APPL2: variants seen among roughly 807,000 people sequenced by gnomAD.
APPL2 encodes the protein adaptor protein, phosphotyrosine interacting with PH domain and leucine zipper 2.
APPL2 carries 84 observed loss-of-function variants against 92.7 expected under a neutral mutation model. That is an observed-to-expected ratio of 0.91 (90% CI 0.76 to 1.09). The LOEUF (loss-of-function observed/expected upper bound fraction) is 1.09. Among genes scored for constraint, APPL2 ranks in the 50% least tolerant of loss-of-function variants. The pLI is 0.00. For synonymous variants in APPL2, 291 were observed against 291.0 expected, an observed-to-expected ratio of 1.00 and a Z score of 0.00; for missense variants, 736 against 824.5, an observed-to-expected ratio of 0.89 and a Z score of 1.31.
intron 2 of APPL2, among the ~76,000 whole-genome samples, chr12:105,219,654 T>C (rs754386801): frequency 1.4e-4 from 21 of 152,230 alleles, no homozygotes; most frequent in Non-Finnish European, 2.8e-4. Flanking sequence ...CCTTCCTAAC[T>C]GTACAAGGAA....
intron 2 of APPL2, among the ~76,000 whole-genome samples, chr12:105,225,314 A>G (rs1320358403): frequency 5.3e-5 from 8 of 152,174 alleles, no homozygotes; most frequent in Non-Finnish European, 1.0e-4. Context: ...TGCCAGGAAC[A>G]TTATTACCCC....
chr12:105,176,844 GA>G lies in APPL2; in HGVS notation c.1812+31del, dbSNP rs1461552140. On this transcript the variant is annotated intron_variant, in intron 19 of 20. Transcript: ENST00000258530. ...TTTAAAATGGACTTGTTTGGACTGG[GA>G]TATTATGGGATCTTCACATGAAAAA... 5 of 1,609,126 alleles carry G rather than the reference GA, an allele frequency of 3.1e-6. No homozygotes were observed. In the African/African-American group the frequency reaches 5.4e-5, roughly 17 times the overall value.
chr12:105,207,426 C>T (rs777817626), intron 7 of APPL2, among the ~76,000 whole-genome samples: 6 of 152,202 alleles, frequency 3.9e-5, no homozygotes, highest in Non-Finnish European at 8.8e-5. Flanking sequence ...GAGGTGAAGC[C>T]TGTACCCTCC....
At chr12:105,188,548 G>A in intron 16 of APPL2, 101 bp from the exon 17 acceptor site, 2 of 1,311,192 alleles carry the variant, frequency 1.5e-6, no homozygotes, top group East Asian at 2.5e-5. Flanking sequence ...TTTCTGTGGA[G>A]GACTTTCTAC....
At chr12:105,204,249 T>G (rs377360187) in intron 8 of APPL2, among the ~76,000 whole-genome samples, 1 of 152,180 alleles carries the variant, frequency 6.6e-6, no homozygotes, top group Non-Finnish European at 1.5e-5. Flanking sequence ...ACAGTAACAG[T>G]TGCAAGCCTA....
chr12:105,196,597 G>A (rs1186332205), intron 11 of APPL2, among the ~76,000 whole-genome samples: 1 of 151,734 alleles, frequency 6.6e-6, no homozygotes, highest in Non-Finnish European at 1.5e-5. Flanking sequence ...CACCACTAAC[G>A]TGCCCGGCCA....
chr12:105,187,951 A>C (rs950983031), intron 17 of APPL2, among the ~76,000 whole-genome samples: 6 of 151,944 alleles, frequency 3.9e-5, no homozygotes, highest in African/African-American at 7.2e-5. Flanking sequence ...ATTTTTTATA[A>C]ATAGTACTCT....
At chr12:105,208,132 A>G in intron 6 of APPL2, 26 bp downstream of exon 6, 1 of 1,614,160 alleles carries the variant, frequency 6.2e-7, no homozygotes, top group African/African-American at 1.3e-5. Context: ...ACACACCCAC[A>G]CACCAGGAAT....
intron 14 of APPL2, among the ~76,000 whole-genome samples, chr12:105,193,724 T>C (rs1465796301): frequency 6.6e-6 from 1 of 152,214 alleles, no homozygotes; most frequent in African/African-American, 2.4e-5. Flanking sequence ...TCTCCTCTTT[T>C]TTAAAAACAT....
In APPL2 at chr12:105,236,136, CCGCGCGCG is replaced by C; in HGVS notation, c.-132_-125del. 1 of 505,330 alleles carries C rather than the reference CCGCGCGCG, an allele frequency of 2.0e-6. No homozygotes were observed. Among genetic ancestry groups the C allele is most frequent in the Non-Finnish European group, 2.7e-6 (1 of 373,164 alleles). The allele number at this position is 505,330 out of a possible 1,614,324, so 31.3% of individuals were successfully genotyped here. On this transcript the variant is annotated 5_prime_UTR_variant, in exon 1 of 21. Coordinates refer to ENST00000258530, the MANE Select transcript of APPL2 (RefSeq NM_018171.5). ...CGGCCACTCCGTGCCCGCGGCGGCCCCGCGCGCGTCCACGCCTGGCCAGTGGCCGCCGC... is the reference window on the plus strand; with the variant it reads ...CGGCCACTCCGTGCCCGCGGCGGCCCTCCACGCCTGGCCAGTGGCCGCCGC...
intron 1 of APPL2, chr12:105,235,375 C>T (rs1258488109): frequency 6.6e-6 from 1 of 152,146 alleles, no homozygotes; most frequent in Non-Finnish European, 1.5e-5. Context: ...TTTTTCTCTT[C>T]ACTAATGGGA....
chr12:105,178,360 A>G (rs1885756069), intron 17 of APPL2, among the ~76,000 whole-genome samples: 1 of 152,112 alleles, frequency 6.6e-6, no homozygotes, highest in African/African-American at 2.4e-5. Flanking sequence ...AGAGATGGCA[A>G]TTTTAGTGGT....
At chr12:105,215,768 C>T (rs186801543) in intron 4 of APPL2, among the ~76,000 whole-genome samples, 7 of 152,198 alleles carry the variant, frequency 4.6e-5, no homozygotes, top group East Asian at 1.9e-4. Context: ...TGGCCAGGCG[C>T]GGTGGCTCAT....
intron 17 of APPL2, among the ~76,000 whole-genome samples, 186 bp downstream of exon 17, chr12:105,188,087 T>C (rs543563896): frequency 6.6e-6 from 1 of 152,342 alleles, no homozygotes; most frequent in East Asian, 1.9e-4. Flanking sequence ...CACTGGATTT[T>C]TGAAGATACC....
At chr12:105,235,859 C>G in intron 1 of APPL2, 100 bp downstream of exon 1, 1 of 1,036,450 alleles carries the variant, frequency 9.6e-7, no homozygotes, top group Non-Finnish European at 1.2e-6. Flanking sequence ...GGCGCACTCC[C>G]GCGGCTGCCC....
At chr12:105,188,557 A>T in intron 16 of APPL2, 110 bp from the exon 17 acceptor site, 1 of 1,183,912 alleles carries the variant, frequency 8.4e-7, no homozygotes, top group Non-Finnish European at 1.2e-6. Context: ...AGGACTTTCT[A>T]CCAAAATTTC....
intron 9 of APPL2, among the ~76,000 whole-genome samples, chr12:105,202,559 G>A (rs1888306644): frequency 6.6e-6 from 1 of 152,358 alleles, no homozygotes; most frequent in African/African-American, 2.4e-5. Flanking sequence ...AGTGAAAGAT[G>A]AGGGACAGAG....
At chr12:105,183,355 T>C (rs1886300037) in intron 17 of APPL2, among the ~76,000 whole-genome samples, 1 of 152,330 alleles carries the variant, frequency 6.6e-6, no homozygotes, top group East Asian at 1.9e-4. Context: ...ACAGTGCTGA[T>C]GGTTTTTACA....
At chr12:105,206,090 T>A (rs932821434) in intron 8 of APPL2, among the ~76,000 whole-genome samples, 1 of 152,182 alleles carries the variant, frequency 6.6e-6, no homozygotes, top group Non-Finnish European at 1.5e-5. Context: ...GCCCTGAGAG[T>A]ACTGTTCTGG....
Sources: allele counts gnomAD v4.1 joint callset (sites outside exome capture counted in the v4.1 genomes callset), GRCh38; gene constraint gnomAD v4.1.1; transcripts MANE v1.5; gene names NCBI Gene and HGNC (gene_info 2026-07-23, HGNC 2026-07-21).